The following SH3BGRL variants were observed in gnomAD, a reference collection of about 807,000 sequenced individuals.
SH3BGRL encodes the protein SH3 domain binding glutamate rich protein like.
SH3BGRL carries 7 observed loss-of-function variants against 9.8 expected under a neutral mutation model. The ratio of observed to expected loss-of-function variants is 0.72; its 90% CI spans 0.41 to 1.35. The LOEUF (loss-of-function observed/expected upper bound fraction) is 1.35, where lower values mean the gene tolerates loss of function less well. Among genes scored for constraint, SH3BGRL ranks in the 40% most tolerant of loss-of-function variants. The pLI is 0.01. For synonymous variants in SH3BGRL, 36 were observed against 29.1 expected (o/e 1.24, Z -0.76); for missense variants, 73 against 84.4 (o/e 0.86, Z 0.53).
intron 1 of SH3BGRL, among the ~76,000 whole-genome samples, chrX:81,215,156 G>A (rs1057134249): frequency 3.6e-5 from 4 of 109,687 alleles, no homozygotes; most frequent in Non-Finnish European, 7.6e-5. Context: ...TTCTAGTGGA[G>A]AGAGTTTATG....
intron 1 of SH3BGRL, among the ~76,000 whole-genome samples, chrX:81,212,904 G>A (rs138605338): frequency 5.3e-5 from 6 of 112,467 alleles, no homozygotes; most frequent in African/African-American, 1.6e-4. Context: ...TGGATTTACT[G>A]TAAATCAATG....
intron 1 of SH3BGRL, among the ~76,000 whole-genome samples, chrX:81,223,430 A>T (rs752007678): frequency 9.0e-6 from 1 of 111,628 alleles, no homozygotes; most frequent in African/African-American, 3.3e-5. Flanking sequence ...TTATCAATTT[A>T]ATATATATTT....
At chrX:81,281,764 A>G (rs1386068733) in intron 3 of SH3BGRL, among the ~76,000 whole-genome samples, 1 of 112,257 alleles carries the variant, frequency 8.9e-6, no homozygotes, top group Non-Finnish European at 1.9e-5. Context: ...AGCAAAAGCA[A>G]AAAACAACAA....
intron 1 of SH3BGRL, among the ~76,000 whole-genome samples, chrX:81,235,815 T>C (rs2075646230): frequency 9.0e-6 from 1 of 111,709 alleles, no homozygotes; most frequent in African/African-American, 3.3e-5. Flanking sequence ...CAACTAACTG[T>C]ACCTATTCAA....
chrX:81,245,152 A>G (rs1483455672), intron 1 of SH3BGRL, among the ~76,000 whole-genome samples: 1 of 111,999 alleles, frequency 8.9e-6, no homozygotes, highest in Non-Finnish European at 1.9e-5. Flanking sequence ...TCTTGTCAGT[A>G]TTCTTGTGAG....
intron 1 of SH3BGRL, among the ~76,000 whole-genome samples, chrX:81,249,953 A>G (rs1046196248): frequency 9.0e-6 from 1 of 111,370 alleles, no homozygotes; most frequent in African/African-American, 3.3e-5. Context: ...ATGCACAACA[A>G]AAAGGTGAAT....
intron 1 of SH3BGRL, among the ~76,000 whole-genome samples, chrX:81,218,959 A>G (rs1459367337): frequency 9.1e-6 from 1 of 109,796 alleles, no homozygotes; most frequent in East Asian, 2.9e-4. Context: ...CAGTTGCAGG[A>G]TACGAAATCA....
chrX:81,276,189 A>C (rs1432944475), intron 1 of SH3BGRL, among the ~76,000 whole-genome samples: 1 of 110,022 alleles, frequency 9.1e-6, no homozygotes, highest in Non-Finnish European at 1.9e-5. Flanking sequence ...ACTGAACTGA[A>C]TAGTATTAAT....
At chrX:81,222,255 T>C (rs2075602076) in intron 1 of SH3BGRL, among the ~76,000 whole-genome samples, 2 of 110,001 alleles carry the variant, frequency 1.8e-5, no homozygotes, top group African/African-American at 6.6e-5. Context: ...ATGTGCCATG[T>C]TGGTGTGCTG....
intron 1 of SH3BGRL, among the ~76,000 whole-genome samples, chrX:81,254,963 T>C (rs1241442446): frequency 9.3e-6 from 1 of 107,443 alleles, no homozygotes; most frequent in Non-Finnish European, 1.9e-5. Flanking sequence ...CGATCTCGGC[T>C]CACTGCAACC....
chrX:81,208,132 G>A (rs887563177), intron 1 of SH3BGRL, among the ~76,000 whole-genome samples: 5 of 110,484 alleles, frequency 4.5e-5, no homozygotes, highest in Non-Finnish European at 9.5e-5. Flanking sequence ...CGTGGTGGCG[G>A]GCACCTGTAG....
intron 1 of SH3BGRL, among the ~76,000 whole-genome samples, chrX:81,265,941 T>C (rs781532432): frequency 5.8e-4 from 65 of 112,503 alleles, no homozygotes; most frequent in Non-Finnish European, 1.1e-3. Flanking sequence ...ATTTCTATAA[T>C]GACCAGTGAT....
intron 1 of SH3BGRL, among the ~76,000 whole-genome samples, chrX:81,235,973 C>T (rs181304528): frequency 8.9e-6 from 1 of 111,836 alleles, no homozygotes; most frequent in African/African-American, 3.2e-5. Context: ...CCTGACATGA[C>T]TGCCAATTCT....
intron 1 of SH3BGRL, among the ~76,000 whole-genome samples, chrX:81,243,133 C>G (rs76788385): frequency 5.3e-5 from 6 of 112,400 alleles, no homozygotes; most frequent in Admixed American, 4.7e-4. Flanking sequence ...TGGAAGCAAT[C>G]TAAGTGTCCA....
intron 1 of SH3BGRL, among the ~76,000 whole-genome samples, chrX:81,225,327 A>G (rs1221230412): frequency 9.0e-6 from 1 of 110,657 alleles, no homozygotes; most frequent in East Asian, 2.8e-4. Flanking sequence ...GTTTTCTTAC[A>G]TCGCTATATT....
chrX:81,277,850 C>G lies in SH3BGRL; in HGVS notation c.232-481C>G, dbSNP rs183441805. On this transcript the variant is annotated intron_variant, in intron 2 of 3. Coordinates refer to ENST00000373212, the MANE Select transcript of SH3BGRL (RefSeq NM_003022.3). ...ACCTATATTAAATAAGATCCAGAAG[C>G]CTTGCCTCTTTATTACTCCTTATTC... 8.1e-3 allele frequency among the ~76,000 whole-genome samples: 907 copies of G among 112,029 alleles called. 9 individuals are homozygous for G. The highest frequency in any genetic ancestry group is 5.5e-3 in the Non-Finnish European group (290 of 53,181).
chrX:81,269,074 T>C (rs1470356935), intron 1 of SH3BGRL, among the ~76,000 whole-genome samples: 1 of 111,589 alleles, frequency 9.0e-6, no homozygotes, highest in Non-Finnish European at 1.9e-5. Flanking sequence ...GCTTGATAGA[T>C]CTTCCTCTAT....
intron 1 of SH3BGRL, among the ~76,000 whole-genome samples, chrX:81,248,117 G>T (rs772617577): frequency 8.3e-4 from 92 of 110,818 alleles, no homozygotes; most frequent in African/African-American, 2.9e-3. Context: ...TGGTTCCTGA[G>T]AATCTTTTGT....
At chrX:81,288,193 G>A (rs778884405) in intron 3 of SH3BGRL, among the ~76,000 whole-genome samples, 1 of 111,988 alleles carries the variant, frequency 8.9e-6, no homozygotes, top group Non-Finnish European at 1.9e-5. Flanking sequence ...ACAACCATCT[G>A]ATCATTTCAA....
Sources: allele counts gnomAD v4.1 joint callset (sites outside exome capture counted in the v4.1 genomes callset), GRCh38; gene constraint gnomAD v4.1.1; transcripts MANE v1.5; gene names NCBI Gene and HGNC (gene_info 2026-07-23, HGNC 2026-07-21).